Variants in SETD4 observed in about 807,000 individuals in gnomAD.
The protein encoded by SETD4 is SET domain containing 4, also known as SET domain-containing protein 4.
A neutral mutation model predicts 58.3 loss-of-function variants in SETD4; 46 were observed. The observed-to-expected ratio is 0.79, with a 90% CI of 0.62 to 1.01. The LOEUF (loss-of-function observed/expected upper bound fraction) is 1.01. SETD4 is among the 50% of genes least tolerant of loss of function. The probability of loss-of-function intolerance (pLI) is 0.00; values close to 1 mark genes in which losing one functional copy is unlikely to be tolerated. For missense variants in SETD4, 490 were observed against 523.3 expected, an observed-to-expected ratio of 0.94 and a Z score of 0.62; for synonymous variants, 190 against 202.6, an observed-to-expected ratio of 0.94 and a Z score of 0.53.
intron 3 of SETD4, among the ~76,000 whole-genome samples, chr21:36,054,371 G>C (rs958611781): frequency 1.3e-5 from 2 of 152,256 alleles, no homozygotes; most frequent in African/African-American, 4.8e-5. Context: ...AGGATGCTCA[G>C]ATGACAGCTT....
rs376841625 is a variant in SETD4, at chr21:36,037,408, T to C, written c.1188+742A>G. ...TCACCTGAGGTCAGGAGTTTGAGACTAGCCTGCCCAACATGGTGAAACCCT... is the reference window on the plus strand; with the variant it reads ...TCACCTGAGGTCAGGAGTTTGAGACCAGCCTGCCCAACATGGTGAAACCCT... On this transcript the variant is annotated intron_variant, in intron 10 of 11. Coordinates refer to ENST00000332131, the MANE Select transcript of SETD4 (RefSeq NM_017438.5). Among the ~76,000 whole-genome samples the C allele has an allele frequency of 8.3e-4, 125 of 150,528 alleles. 1 individual carries two copies. In the East Asian group the frequency reaches 0.018, roughly 22 times the overall value.
At chr21:36,046,115 A>G in intron 5 of SETD4, 104 bp from the exon 6 acceptor site, 1 of 1,217,390 alleles carries the variant, frequency 8.2e-7, no homozygotes, top group African/African-American at 1.5e-5. Flanking sequence ...CAAACTGTCA[A>G]CACACTCAGT....
Position 36,045,871 on chromosome 21 carries a change from T to C in SETD4, c.437A>G (p.Glu146Gly), listed in dbSNP as rs904039930. 6.8e-6 allele frequency: 11 copies of C among 1,614,070 alleles called. No homozygotes were observed. The highest frequency in any genetic ancestry group is 1.7e-5 in the Admixed American group (1 of 60,004). ...AGATTTGGGAAGAAGGTTCACCACT[T>C]CCGGCTCCAAACAAACAGGGCAGGT... ...AYTCPVCLEP[E>G]VVNLLPKSLK... Residue 146 changes from glutamate to glycine, a missense_variant, in exon 6 of 12, where the codon GAA (glutamate) becomes GGA (glycine). Coordinates refer to ENST00000332131, the MANE Select transcript of SETD4 (RefSeq NM_017438.5).
chr21:36,036,476 C>T (rs1404108422), intron 10 of SETD4: 3 of 315,920 alleles, frequency 9.5e-6, no homozygotes, highest in African/African-American at 2.3e-5. Context: ...TTCCCCAAAC[C>T]CCCCGTCACC....
intron 2 of SETD4, among the ~76,000 whole-genome samples, chr21:36,057,641 A>C (rs1350904267): frequency 6.6e-6 from 1 of 152,258 alleles, no homozygotes; most frequent in Non-Finnish European, 1.5e-5. Flanking sequence ...ATGATCCCAA[A>C]ATTCATGTGG....
At chr21:36,057,472 C>A (rs1043267104) in intron 2 of SETD4, 1 of 618,658 alleles carries the variant, frequency 1.6e-6, no homozygotes. Context: ...CAGAAAGACC[C>A]CATCTCTTAA....
chr21:36,049,858 A>G (rs558530867), intron 4 of SETD4, among the ~76,000 whole-genome samples: 1 of 152,326 alleles, frequency 6.6e-6, no homozygotes, highest in East Asian at 1.9e-4. Context: ...AACAAAAACT[A>G]CCTGTAGTTA....
chr21:36,048,848 G>C (rs994361102), intron 4 of SETD4, among the ~76,000 whole-genome samples: 1 of 151,628 alleles, frequency 6.6e-6, no homozygotes, highest in Non-Finnish European at 1.5e-5. Context: ...CTCCCAAGCA[G>C]CTGGGATTAC....
intron 4 of SETD4, among the ~76,000 whole-genome samples, chr21:36,051,957 G>A: frequency 6.6e-6 from 1 of 151,446 alleles, no homozygotes; most frequent in Non-Finnish European, 1.5e-5. Context: ...TGGTGGGAGG[G>A]TCAAAGTGAA....
Position 36,035,921 on chromosome 21 carries a change from C to T in SETD4, c.*72G>A. On this transcript the variant is annotated 3_prime_UTR_variant, in exon 12 of 12. Coordinates refer to ENST00000332131, the MANE Select transcript of SETD4 (RefSeq NM_017438.5). ...TGCATGTCCTGGGGGCAGCCACCAC[C>T]CCAGCCCATGATGATGCTCTTCAAA... 1.5e-6 allele frequency: 1 copy of T among 677,100 alleles called. No individual in the cohort carries two copies. The highest frequency in any genetic ancestry group is 2.4e-6 in the Non-Finnish European group (1 of 409,350). 41.9% of individuals were successfully genotyped at this position (677,100 alleles called of 1,614,324 possible). A position where few individuals can be genotyped will look rare whatever the true frequency, so the allele number is the denominator to read the frequency against.
intron 5 of SETD4, among the ~76,000 whole-genome samples, chr21:36,047,107 T>G (rs899804131): frequency 6.6e-6 from 1 of 151,960 alleles, no homozygotes; most frequent in Non-Finnish European, 1.5e-5. Flanking sequence ...AATACAAAAT[T>G]AGCAGGGCAT....
In SETD4 at chr21:36,041,027, G is replaced by A. The variant is rs146800430; in HGVS notation, c.984-372C>T. ...TACAAAAAATTAGCTGGGCGTGGTC[G>A]CAGGCACTTGTAGTTCCAGCTACTT... On this transcript the variant is annotated intron_variant, in intron 8 of 11. Transcript: ENST00000332131. Among the ~76,000 whole-genome samples the A allele has an allele frequency of 6.8e-3, 1,039 of 152,014 alleles. 14 individuals are homozygous for A. Among genetic ancestry groups the A allele is most frequent in the African/African-American group, 0.024 (987 of 41,450 alleles).
At chr21:36,038,340 T>G (rs764666078) in intron 9 of SETD4, 67 bp from the exon 10 acceptor site, 23 of 1,562,082 alleles carry the variant, frequency 1.5e-5, no homozygotes, top group Non-Finnish European at 2.0e-5. Context: ...TTTGTTTCAG[T>G]GCAACACATA....
At position 36,041,892 on chromosome 21, in the gene SETD4, T is replaced by C. The variant is rs754938598; in HGVS notation, c.902-4A>G. On this transcript the variant is annotated splice_polypyrimidine_tract_variant and splice_region_variant and intron_variant, in intron 7 of 11. Coordinates refer to ENST00000332131, the MANE Select transcript of SETD4 (RefSeq NM_017438.5). ...GGAAGATATTTAACAAGTATTTCTA[T>C]ATTCAAAAAAAAAAATCAGACTGTT... The C allele has an allele frequency of 3.0e-6, 4 of 1,328,816 alleles. No individual in the cohort carries two copies. The highest frequency in any genetic ancestry group is 3.3e-5 in the Admixed American group (1 of 30,038). 82.3% of individuals were successfully genotyped at this position (1,328,816 alleles called of 1,614,324 possible).
intron 2 of SETD4, 131 bp from the exon 3 acceptor site, chr21:36,057,335 T>G: frequency 2.6e-6 from 2 of 778,132 alleles, no homozygotes; most frequent in Non-Finnish European, 4.6e-6. Flanking sequence ...TATCTAAACA[T>G]AGAAAAGTTA....
intron 1 of SETD4, 112 bp downstream of exon 1, chr21:36,060,235 A>C (rs557649037): frequency 3.4e-6 from 2 of 582,456 alleles, no homozygotes; most frequent in East Asian, 1.4e-4. Context: ...CCTGCGACCT[A>C]AACTCAGTTC....
At chr21:36,048,417 G>T (rs748018749) in intron 4 of SETD4, 21 bp from the exon 5 acceptor site, 1 of 1,609,712 alleles carries the variant, frequency 6.2e-7, no homozygotes, top group South Asian at 1.1e-5. Context: ...GGAAAGTAAA[G>T]TTGAGGACGC....
chr21:36,047,551 T>C (rs1211721122), intron 5 of SETD4, among the ~76,000 whole-genome samples: 1 of 152,196 alleles, frequency 6.6e-6, no homozygotes, highest in African/African-American at 2.4e-5. Context: ...GAGAAGAGGC[T>C]ACTATGAGCC....
intron 4 of SETD4, chr21:36,050,286 A>C: frequency 6.3e-7 from 1 of 1,596,642 alleles, no homozygotes; most frequent in Non-Finnish European, 8.6e-7. Flanking sequence ...CTATCCTCAA[A>C]CAGAGATTTT....
Sources: gnomAD v4.1 joint callset for allele counts (sites outside exome capture counted in the v4.1 genomes callset) on GRCh38, gnomAD v4.1.1 for gene constraint, MANE v1.5 for transcripts, NCBI Gene and HGNC (gene_info 2026-07-23, HGNC 2026-07-21) for gene names.